Variants in GRID1 observed in about 807,000 individuals in gnomAD.
GRID1 encodes glutamate ionotropic receptor delta type subunit 1.
Under a neutral mutation model 98.0 loss-of-function variants are expected in GRID1, and 28 were observed. The ratio of observed to expected loss-of-function variants is 0.29; its 90% confidence interval spans 0.21 to 0.39. The LOEUF (loss-of-function observed/expected upper bound fraction) is 0.39, where lower values mean the gene tolerates loss of function less well. Ranked by LOEUF, GRID1 falls within the 10% of genes least tolerant of loss-of-function variation. The probability of loss-of-function intolerance (pLI) is 1.00; values close to 1 mark genes in which losing one functional copy is unlikely to be tolerated. For synonymous variants in GRID1, 553 were observed against 538.5 expected, an observed-to-expected ratio of 1.03 and a Z score of -0.37; for missense variants, 1,111 against 1,340.5, an observed-to-expected ratio of 0.83 and a Z score of 2.67.
chr10:86,092,336 TG>T (rs1398699366), intron 4 of GRID1, among the ~76,000 whole-genome samples: 1 of 152,178 alleles, frequency 6.6e-6, no homozygotes, highest in Non-Finnish European at 1.5e-5. Flanking sequence ...CAAAATGCTC[TG>T]GGAAGTCTCA....
At chr10:85,999,224 A>G (rs557896947) in intron 4 of GRID1, among the ~76,000 whole-genome samples, 176 of 151,112 alleles carry the variant, frequency 1.2e-3, no homozygotes, top group East Asian at 5.4e-3. Context: ...AAAAAAAAAA[A>G]AAAGAAAGAA....
At chr10:86,260,704 G>A (rs552141697) in intron 2 of GRID1, among the ~76,000 whole-genome samples, 2 of 152,238 alleles carry the variant, frequency 1.3e-5, no homozygotes, top group African/African-American at 2.4e-5. Context: ...CCAGCCCCAC[G>A]TCCCCTGAGC....
chr10:85,929,064 C>A (rs956971316), intron 4 of GRID1, among the ~76,000 whole-genome samples: 1 of 152,038 alleles, frequency 6.6e-6, no homozygotes, highest in Non-Finnish European at 1.5e-5. Flanking sequence ...TCAATATGTT[C>A]GAAAATGCTA....
intron 5 of GRID1, among the ~76,000 whole-genome samples, chr10:85,909,692 C>T (rs762439072): frequency 7.9e-5 from 12 of 151,998 alleles, no homozygotes; most frequent in Non-Finnish European, 1.3e-4. Flanking sequence ...TTACATAAAA[C>T]GCAAAGATAC....
intron 8 of GRID1, among the ~76,000 whole-genome samples, chr10:85,845,240 G>C (rs1335025796): frequency 6.6e-6 from 1 of 152,042 alleles, no homozygotes; most frequent in Non-Finnish European, 1.5e-5. Context: ...AAATAAGTTT[G>C]ATATGCAAAC....
intron 6 of GRID1, among the ~76,000 whole-genome samples, chr10:85,859,522 T>G (rs554395637): frequency 6.6e-6 from 1 of 152,198 alleles, no homozygotes; most frequent in Non-Finnish European, 1.5e-5. Flanking sequence ...AGAAAATGGA[T>G]AGCAGATAAA....
intron 2 of GRID1, among the ~76,000 whole-genome samples, chr10:86,342,047 C>A (rs1848318013): frequency 6.6e-6 from 1 of 152,174 alleles, no homozygotes; most frequent in African/African-American, 2.4e-5. Flanking sequence ...TCACCCTGGG[C>A]CCCTCCAACT....
intron 12 of GRID1, among the ~76,000 whole-genome samples, chr10:85,699,980 C>T (rs1377364781): frequency 6.6e-6 from 1 of 152,124 alleles, no homozygotes; most frequent in Non-Finnish European, 1.5e-5. Context: ...GTTTCTAATG[C>T]CATCCAGCTA....
intron 3 of GRID1, among the ~76,000 whole-genome samples, chr10:86,205,125 C>G (rs948743515): frequency 5.9e-4 from 90 of 152,222 alleles, no homozygotes; most frequent in African/African-American, 1.8e-3. Context: ...AGACTCCAAA[C>G]AGCATATTTG....
At chr10:85,806,801 G>T (rs1842626833) in intron 8 of GRID1, among the ~76,000 whole-genome samples, 1 of 152,040 alleles carries the variant, frequency 6.6e-6, no homozygotes, top group African/African-American at 2.4e-5. Context: ...ATTCAAAAGG[G>T]GAATGGGAGA....
At chr10:85,634,249 C>CATCTCTCTCTCTCTCTCT (rs1554860991) in intron 13 of GRID1, among the ~76,000 whole-genome samples, 1 of 92,312 alleles carries the variant, frequency 1.1e-5, no homozygotes, top group Non-Finnish European at 2.1e-5. Flanking sequence ...TGATGGGGCA[C>CATCTCTCTCTCTCTCTCT]CTCTCTCTCT....
At chr10:86,331,397 T>G (rs1848140303) in intron 2 of GRID1, among the ~76,000 whole-genome samples, 1 of 152,098 alleles carries the variant, frequency 6.6e-6, no homozygotes. Context: ...CTGCTGAGCC[T>G]GAGCAGCTCC....
At chr10:86,247,441 T>C (rs911145302) in intron 2 of GRID1, among the ~76,000 whole-genome samples, 1 of 152,094 alleles carries the variant, frequency 6.6e-6, no homozygotes. Context: ...GATGGTTGGC[T>C]GGGTGGGTAG....
intron 8 of GRID1, among the ~76,000 whole-genome samples, chr10:85,769,696 C>A (rs1842236508): frequency 6.6e-6 from 1 of 152,212 alleles, no homozygotes; most frequent in Admixed American, 6.5e-5. Flanking sequence ...TCGGAGGGTC[C>A]TACACCCACG....
intron 5 of GRID1, among the ~76,000 whole-genome samples, chr10:85,903,974 A>G (rs976726840): frequency 2.6e-5 from 4 of 152,164 alleles, no homozygotes; most frequent in African/African-American, 9.7e-5. Flanking sequence ...TCTCATGGGC[A>G]CCCTATGTAA....
chr10:85,600,062 A>T lies in GRID1; in HGVS notation c.*2211T>A, dbSNP rs767668036. The T allele has an allele frequency of 6.6e-6, 1 of 152,016 alleles. No homozygotes were observed. Among genetic ancestry groups the T allele is most frequent in the Non-Finnish European group, 1.5e-5 (1 of 67,994 alleles). The allele number at this position is 152,016 out of a possible 1,614,324, so 9.4% of individuals were successfully genotyped here. On this transcript the variant is annotated 3_prime_UTR_variant, in exon 16 of 16. Transcript: ENST00000327946. ...TATACCCCAGAAGACAGGCCATCTCAGGGGGCAATGAGGAAACAGAGTTGG... is the reference window on the plus strand; with the variant it reads ...TATACCCCAGAAGACAGGCCATCTCTGGGGGCAATGAGGAAACAGAGTTGG...
chr10:86,022,694 G>T (rs866876018), intron 4 of GRID1, among the ~76,000 whole-genome samples: 2 of 152,136 alleles, frequency 1.3e-5, no homozygotes, highest in Admixed American at 6.5e-5. Context: ...GAGGAGGGTA[G>T]ATCACCCAAG....
intron 13 of GRID1, 29 bp downstream of exon 13, chr10:85,647,173 C>T: frequency 1.3e-6 from 2 of 1,591,562 alleles, no homozygotes; most frequent in South Asian, 1.1e-5. Flanking sequence ...TGTTACAGTG[C>T]ACGTGCCCAA....
At chr10:86,312,472 A>G (rs1220705012) in intron 2 of GRID1, among the ~76,000 whole-genome samples, 5 of 152,186 alleles carry the variant, frequency 3.3e-5, no homozygotes, top group Non-Finnish European at 5.9e-5. Flanking sequence ...ATTTCTTCCC[A>G]TCTGCCTCTG....
Sources: gnomAD v4.1 joint callset for allele counts (sites outside exome capture counted in the v4.1 genomes callset) on GRCh38, gnomAD v4.1.1 for gene constraint, MANE v1.5 for transcripts, NCBI Gene and HGNC (gene_info 2026-07-23, HGNC 2026-07-21) for gene names.